Variants in SPOCK1 observed in about 807,000 individuals in gnomAD.
SPOCK1 encodes the protein SPARC (osteonectin), cwcv and kazal like domains proteoglycan 1.
SPOCK1 carries 23 observed loss-of-function variants against 55.3 expected under a neutral mutation model. That is an observed-to-expected ratio of 0.42 (90% confidence interval 0.30 to 0.59). SPOCK1 has a LOEUF of 0.59. Among genes scored for constraint, SPOCK1 ranks in the 20% least tolerant of loss-of-function variants. The probability of loss-of-function intolerance (pLI) is 0.22; values close to 1 mark genes in which losing one functional copy is unlikely to be tolerated. For missense variants in SPOCK1, 499 were observed against 552.5 expected (o/e 0.90, Z 0.97); for synonymous variants, 226 against 221.0 (o/e 1.02, Z -0.20).
chr5:137,373,093 C>T (rs1751235496), intron 2 of SPOCK1, among the ~76,000 whole-genome samples: 1 of 152,146 alleles, frequency 6.6e-6, no homozygotes, highest in Admixed American at 6.5e-5. Flanking sequence ...TCCCTCACCA[C>T]ATTTAGGCCC....
intron 2 of SPOCK1, among the ~76,000 whole-genome samples, chr5:137,317,514 T>A (rs1438352340): frequency 6.6e-6 from 1 of 152,192 alleles, no homozygotes; most frequent in Non-Finnish European, 1.5e-5. Context: ...TCCAGTCAGA[T>A]GGGAATGTTT....
At chr5:137,325,846 G>C (rs1463602372) in intron 2 of SPOCK1, among the ~76,000 whole-genome samples, 1 of 152,204 alleles carries the variant, frequency 6.6e-6, no homozygotes, top group Non-Finnish European at 1.5e-5. Context: ...TCATATTTGG[G>C]CCAAGGGCTA....
At chr5:137,216,637 G>T (rs1755722128) in intron 3 of SPOCK1, among the ~76,000 whole-genome samples, 1 of 152,250 alleles carries the variant, frequency 6.6e-6, no homozygotes, top group Admixed American at 6.5e-5. Flanking sequence ...CTCAAACCAG[G>T]GAGGCAGAGA....
chr5:137,129,698 T>G lies in SPOCK1; in HGVS notation c.347+10882A>C, dbSNP rs538952849. 2.0e-5 allele frequency among the ~76,000 whole-genome samples: 3 copies of G among 152,238 alleles called. No individual in the cohort carries two copies. In the East Asian group the frequency reaches 5.8e-4, roughly 29 times the overall value. ...GCAGGTCTGAAGATATCTCAAAAGA[T>G]CAATCTTAGGTTCTACAATAGTGAT... On this transcript the variant is annotated intron_variant, in intron 4 of 10. Coordinates refer to ENST00000394945, the MANE Select transcript of SPOCK1 (RefSeq NM_004598.4).
chr5:137,425,674 A>G (rs904276991), intron 2 of SPOCK1, among the ~76,000 whole-genome samples: 3 of 152,188 alleles, frequency 2.0e-5, no homozygotes, highest in African/African-American at 2.4e-5. Flanking sequence ...GCTTACCTCT[A>G]TCAGTGCCCT....
chr5:137,351,378 A>T (rs1237195687), intron 2 of SPOCK1, among the ~76,000 whole-genome samples: 1 of 152,244 alleles, frequency 6.6e-6, no homozygotes, highest in African/African-American at 2.4e-5. Flanking sequence ...TATCATCTAC[A>T]GCTGATTAGC....
chr5:137,040,961 A>G (rs1751985591), intron 6 of SPOCK1, among the ~76,000 whole-genome samples: 1 of 152,214 alleles, frequency 6.6e-6, no homozygotes, highest in Non-Finnish European at 1.5e-5. Flanking sequence ...TGCCCAGACA[A>G]TGTACATGTA....
intron 3 of SPOCK1, among the ~76,000 whole-genome samples, chr5:137,240,106 A>G (rs35066134): frequency 1.3e-5 from 2 of 152,212 alleles, no homozygotes; most frequent in Admixed American, 6.5e-5. Flanking sequence ...TAAGAAATAC[A>G]CCAGAGCTAT....
At chr5:137,254,388 A>G (rs534752543) in intron 3 of SPOCK1, among the ~76,000 whole-genome samples, 76 of 152,286 alleles carry the variant, frequency 5.0e-4, no homozygotes, top group Middle Eastern at 6.8e-3. Context: ...CACCATGAGA[A>G]ACCCTTTCCA....
chr5:137,136,830 A>G (rs1753993979), intron 4 of SPOCK1, among the ~76,000 whole-genome samples: 2 of 152,090 alleles, frequency 1.3e-5, no homozygotes, highest in African/African-American at 2.4e-5. Context: ...TTGCAACCCC[A>G]CTCTACATTG....
At chr5:137,384,565 T>TAC (rs764524468) in intron 2 of SPOCK1, among the ~76,000 whole-genome samples, 35 of 140,628 alleles carry the variant, frequency 2.5e-4, no homozygotes, top group African/African-American at 9.3e-4. Flanking sequence ...CATACATACA[T>TAC]ATATATATAT....
At chr5:137,095,203 TATAATA>T (rs1323371247) in intron 5 of SPOCK1, among the ~76,000 whole-genome samples, 2 of 152,064 alleles carry the variant, frequency 1.3e-5, no homozygotes, top group Non-Finnish European at 2.9e-5. Context: ...CCATAACAAA[TATAATA>T]ATAATTTGTA....
At chr5:137,119,249 A>G (rs1753644241) in intron 4 of SPOCK1, among the ~76,000 whole-genome samples, 1 of 152,250 alleles carries the variant, frequency 6.6e-6, no homozygotes, top group South Asian at 2.1e-4. Context: ...CGCCTATTCA[A>G]AAATAATGAA....
At chr5:136,988,182 C>T (rs1212638237) in intron 8 of SPOCK1, among the ~76,000 whole-genome samples, 1 of 152,162 alleles carries the variant, frequency 6.6e-6, no homozygotes, top group Non-Finnish European at 1.5e-5. Flanking sequence ...GAGACTTCCC[C>T]AAAGGGAGGA....
chr5:137,179,657 G>A lies in SPOCK1; in HGVS notation c.233-38963C>T, dbSNP rs542722863. ...TGTTTGCCTTGCTCTATCTCCAGCA[G>A]AGATTGAGGGGAACTCATTCCTGAG... On this transcript the variant is annotated intron_variant, in intron 3 of 10. Transcript: ENST00000394945. 2.6e-5 allele frequency among the ~76,000 whole-genome samples: 4 copies of A among 152,280 alleles called. No individual in the cohort carries two copies. In the South Asian group the frequency reaches 8.3e-4, roughly 32 times the overall value.
At chr5:137,357,979 A>G (rs982194102) in intron 2 of SPOCK1, among the ~76,000 whole-genome samples, 37 of 152,132 alleles carry the variant, frequency 2.4e-4, no homozygotes, top group African/African-American at 8.4e-4. Context: ...CCTGAGACAC[A>G]AATGAGAAAA....
At chr5:137,055,024 C>A (rs1434682037) in intron 6 of SPOCK1, among the ~76,000 whole-genome samples, 3 of 151,844 alleles carry the variant, frequency 2.0e-5, no homozygotes, top group African/African-American at 7.3e-5. Flanking sequence ...CCACAGAGAC[C>A]ACAATGGTAG....
chr5:137,158,544 T>TTA (rs1754465865), intron 3 of SPOCK1, among the ~76,000 whole-genome samples: 1 of 152,206 alleles, frequency 6.6e-6, no homozygotes, highest in Admixed American at 6.5e-5. Context: ...ACACTGAACC[T>TTA]TAATACTGTG....
chr5:137,136,466 T>C (rs1171188970), intron 4 of SPOCK1, among the ~76,000 whole-genome samples: 1 of 152,118 alleles, frequency 6.6e-6, no homozygotes, highest in Non-Finnish European at 1.5e-5. Context: ...CTAAAGAGGA[T>C]GTAATAGAAA....
Sources: allele counts gnomAD v4.1 joint callset (sites outside exome capture counted in the v4.1 genomes callset), GRCh38; gene constraint gnomAD v4.1.1; transcripts MANE v1.5; gene names NCBI Gene and HGNC (gene_info 2026-07-23, HGNC 2026-07-21).